The following TTLL6 variants were observed in gnomAD, a reference collection of about 807,000 sequenced individuals.
TTLL6 encodes the protein tubulin polyglutamylase TTLL6.
Under a neutral mutation model 96.4 loss-of-function variants are expected in TTLL6, and 75 were observed. The observed-to-expected ratio is 0.78, with a 90% CI of 0.65 to 0.94. The LOEUF (loss-of-function observed/expected upper bound fraction) is 0.94, where lower values mean the gene tolerates loss of function less well. Ranked by LOEUF, TTLL6 falls within the 40% of genes least tolerant of loss-of-function variation. The pLI, the probability that TTLL6 is intolerant of heterozygous loss-of-function variation, is 0.00. For missense variants in TTLL6, 1,030 were observed against 1,093.0 expected, an observed-to-expected ratio of 0.94 and a Z score of 0.81; for synonymous variants, 411 against 419.4, an observed-to-expected ratio of 0.98 and a Z score of 0.24.
At chr17:48,782,516 T>C (rs1436825157) in intron 13 of TTLL6, among the ~76,000 whole-genome samples, 2 of 152,298 alleles carry the variant, frequency 1.3e-5, no homozygotes, top group East Asian at 3.9e-4. Flanking sequence ...GGTTGTTGCC[T>C]TTACTGTGCA....
intron 15 of TTLL6, among the ~76,000 whole-genome samples, chr17:48,768,677 A>G (rs894530192): frequency 1.3e-5 from 2 of 152,030 alleles, no homozygotes; most frequent in African/African-American, 4.8e-5. Context: ...AGTAGCTGGG[A>G]CCACAGGCAT....
intron 14 of TTLL6, 82 bp downstream of exon 14, chr17:48,769,646 G>C (rs1306564927): frequency 1.3e-6 from 2 of 1,505,776 alleles, no homozygotes. Context: ...AAGACTGGGA[G>C]CTCCCCAAAG....
At position 48,769,188 on chromosome 17, in the gene TTLL6, T is replaced by C. The variant is rs376901979; in HGVS notation, c.2477A>G (p.Asp826Gly). Residue 826 changes from aspartate to glycine, a missense_variant, in exon 15 of 16, where the codon GAT becomes GGT. By Grantham distance (94) the Asp-to-Gly change is moderately conservative. Coordinates refer to ENST00000393382, the MANE Select transcript of TTLL6 (RefSeq NM_001130918.3). Reference sequence around the variant, plus strand: ...ACTCTGCAAGAGGAGGGAGGACACATCCAGCTGCCTCTTCTCGCCAGAGCT... The same window carrying C: ...ACTCTGCAAGAGGAGGGAGGACACACCCAGCTGCCTCTTCTCGCCAGAGCT... Reference protein sequence around the residue: ...SDSSGEKRQLDVSSLLLQSPQ... With the variant: ...SDSSGEKRQLGVSSLLLQSPQ... 5.6e-6 allele frequency: 9 copies of C among 1,613,660 alleles called. No homozygotes were observed. Among genetic ancestry groups the C allele is most frequent in the Admixed American group, 3.3e-5 (2 of 59,992 alleles).
At position 48,787,924 on chromosome 17, in the gene TTLL6, C is replaced by T; in HGVS notation, c.1476G>A (p.Gly492=). 4 of 1,614,166 alleles carry T rather than the reference C, an allele frequency of 2.5e-6. No individual in the cohort carries two copies. Among genetic ancestry groups the T allele is most frequent in the Non-Finnish European group, 3.4e-6 (4 of 1,180,020 alleles). Residue 492 remains glycine, a synonymous_variant, in exon 11 of 16, where the codon GGG becomes GGA. Transcript: ENST00000393382. ...TETYEKENCG[G]FRLIYPSLNS... ...TCAGACTGGGATAAATCAGTCGGAA[C>T]CCTCCACAGTTTTCCTTCTCATACG...
Position 48,797,047 on chromosome 17 carries a change from T to A in TTLL6, c.912+14A>T. 2 of 1,548,600 alleles carry A rather than the reference T, an allele frequency of 1.3e-6. No individual in the cohort carries two copies. The highest frequency in any genetic ancestry group is 1.7e-6 in the Non-Finnish European group (2 of 1,145,376). ...TATGGGGGTAGGGTGAGGTAGTGTG[T>A]CTCCTTAGCTCACCAGGTTGTCTGT... On this transcript the variant is annotated intron_variant, in intron 7 of 15. Transcript: ENST00000393382.
intron 7 of TTLL6, 40 bp downstream of exon 7, chr17:48,797,021 C>A: frequency 6.6e-7 from 1 of 1,524,968 alleles, no homozygotes; most frequent in Non-Finnish European, 8.8e-7. Flanking sequence ...TTTAATCACG[C>A]TATGGGGGTA....
intron 13 of TTLL6, among the ~76,000 whole-genome samples, chr17:48,774,763 T>C (rs566352961): frequency 1.3e-5 from 2 of 152,232 alleles, no homozygotes; most frequent in Admixed American, 1.3e-4. Flanking sequence ...ATTTTTAGTT[T>C]AAAATACTCT....
chr17:48,812,001 A>T (rs940716630), intron 1 of TTLL6, among the ~76,000 whole-genome samples: 1 of 151,126 alleles, frequency 6.6e-6, no homozygotes, highest in African/African-American at 2.4e-5. Context: ...ACGCCCAGCC[A>T]GAAAGCATTT....
At chr17:48,770,567 A>G (rs1438156292) in intron 13 of TTLL6, among the ~76,000 whole-genome samples, 1 of 145,514 alleles carries the variant, frequency 6.9e-6, no homozygotes, top group Non-Finnish European at 1.5e-5. Flanking sequence ...CCCTGGCTGG[A>G]GCGCAGTGGT....
chr17:48,785,763 A>C (rs1013952280), intron 12 of TTLL6, among the ~76,000 whole-genome samples: 1 of 152,144 alleles, frequency 6.6e-6, no homozygotes, highest in African/African-American at 2.4e-5. Flanking sequence ...AGCTCTTCCC[A>C]GTGGCCTGCT....
At chr17:48,808,619 A>G (rs1212263912) in intron 1 of TTLL6, among the ~76,000 whole-genome samples, 1 of 152,100 alleles carries the variant, frequency 6.6e-6, no homozygotes, top group Non-Finnish European at 1.5e-5. Context: ...CCCAGGCTGG[A>G]GTGCAGTGGT....
chr17:48,791,671 G>C, intron 8 of TTLL6, 68 bp from the exon 9 acceptor site: 1 of 1,365,360 alleles, frequency 7.3e-7, no homozygotes, highest in Non-Finnish European at 1.0e-6. Context: ...ATGGCATGCT[G>C]GAAACCAGAA....
rs760236474 is a variant in TTLL6 at position 48,791,456 on chromosome 17, G to A, written c.1146C>T (p.His382=). 1 of 1,614,232 alleles carries A rather than the reference G, an allele frequency of 6.2e-7. No individual in the cohort carries two copies. The highest frequency in any genetic ancestry group is 8.5e-7 in the Non-Finnish European group (1 of 1,180,050). The change falls in exon 9 of 16, where the codon CAC becomes CAT. Residue 382 remains histidine, a synonymous_variant. Coordinates refer to ENST00000393382, the MANE Select transcript of TTLL6 (RefSeq NM_001130918.3). ...RHNYHTCFPN[H]TLNSACFEIL... is the part of the protein sequence containing the mutation. ...TCTCAAAGCAGGCGCTGTTGAGTGT[G>A]TGGTTGGGGAAGCAGGTGTGGTAGT...
Position 48,791,592 on chromosome 17 carries a change from G to A in TTLL6, c.1010C>T (p.Thr337Ile), listed in dbSNP as rs1312483546. The change falls in exon 9 of 16, where the codon ACC becomes ATC. Residue 337 changes from threonine to isoleucine, a missense_variant. Physicochemically the swap from Thr to Ile is moderately conservative, Grantham distance 89. Coordinates refer to ENST00000393382, the MANE Select transcript of TTLL6 (RefSeq NM_001130918.3). ...GTGGTCCTCCAAGTATGCACTGAAG[G>A]TGGAGAGCTTCCTGGAAGGGAACCA... The part of the protein sequence containing the change: ...AHSGSKRKLS[T>I]FSAYLEDHSY... 2 of 1,609,764 alleles carry A rather than the reference G, an allele frequency of 1.2e-6. No individual in the cohort carries two copies. The highest frequency in any genetic ancestry group is 3.3e-5 in the Admixed American group (2 of 59,888).
intron 13 of TTLL6, among the ~76,000 whole-genome samples, chr17:48,779,353 C>CAAAAAAAAAAAAAA (rs35763170): frequency 2.2e-5 from 1 of 46,258 alleles, no homozygotes; most frequent in Admixed American, 3.0e-4. Flanking sequence ...GACTCTGTCT[C>CAAAAAAAAAAAAAA]AAAAAAAAAA....
chr17:48,789,347 C>T (rs1037547399), intron 10 of TTLL6, among the ~76,000 whole-genome samples: 1 of 152,320 alleles, frequency 6.6e-6, no homozygotes, highest in African/African-American at 2.4e-5. Flanking sequence ...CCTCCAACTC[C>T]AGGCAAGATT....
At chr17:48,814,471 A>T (rs1182637721) in intron 1 of TTLL6, among the ~76,000 whole-genome samples, 1 of 152,164 alleles carries the variant, frequency 6.6e-6, no homozygotes, top group East Asian at 1.9e-4. Flanking sequence ...TCCAAGTAGG[A>T]TATAGTTAAG....
chr17:48,815,437 T>G (rs1215911133), intron 1 of TTLL6: 1 of 152,232 alleles, frequency 6.6e-6, no homozygotes, highest in African/African-American at 2.4e-5. Context: ...AGAAAAGATG[T>G]GGAGGTAAGA....
chr17:48,802,896 G>C (rs902018227), intron 3 of TTLL6, among the ~76,000 whole-genome samples: 1 of 150,448 alleles, frequency 6.6e-6, no homozygotes, highest in African/African-American at 2.5e-5. Context: ...ATGGCCAGGC[G>C]CAGTGGCTCA....
Sources: allele counts gnomAD v4.1 joint callset (sites outside exome capture counted in the v4.1 genomes callset), GRCh38; gene constraint gnomAD v4.1.1; transcripts MANE v1.5; gene names NCBI Gene and HGNC (gene_info 2026-07-23, HGNC 2026-07-21).